DEPTOR: variants seen among roughly 807,000 people sequenced by gnomAD.
DEPTOR encodes the protein DEP domain containing MTOR interacting protein, also known as DEP domain-containing mTOR-interacting protein.
A neutral mutation model predicts 41.6 loss-of-function variants in DEPTOR; 41 were observed. The ratio of observed to expected loss-of-function variants is 0.98; its 90% confidence interval spans 0.77 to 1.28. DEPTOR has a LOEUF of 1.28. DEPTOR is among the 50% of genes most tolerant of loss of function. The pLI is 0.00. For synonymous variants in DEPTOR, 195 were observed against 192.3 expected (o/e 1.01, Z -0.12); for missense variants, 514 against 527.9 (o/e 0.97, Z 0.26).
chr8:119,895,869 G>T lies in DEPTOR; in HGVS notation c.122+21901G>T, dbSNP rs528515910. ...GTACAAATGCATTTTGACTTACACC[G>T]ATGCTTTGAAATGAGGACTTTAAAC... On this transcript the variant is annotated intron_variant, in intron 1 of 8. Transcript: ENST00000286234. Among the ~76,000 whole-genome samples the T allele has an allele frequency of 2.0e-5, 3 of 152,294 alleles. No individual in the cohort carries two copies. The South Asian group carries it at 6.2e-4, about 32-fold the overall frequency.
Position 120,030,497 on chromosome 8 carries a change from G to GTTTTTTTTTT in DEPTOR, c.1102-19060_1102-19051dup, listed in dbSNP as rs1171655489. Among the ~76,000 whole-genome samples, 48 of 46,216 alleles carry GTTTTTTTTTT rather than the reference G, an allele frequency of 1.0e-3. 13 individuals are homozygous for GTTTTTTTTTT. Among genetic ancestry groups the GTTTTTTTTTT allele is most frequent in the East Asian group, 2.7e-3 (4 of 1,490 alleles). The allele number at this position is 46,216 out of a possible 152,430, so 30.3% of individuals were successfully genotyped here. On this transcript the variant is annotated intron_variant, in intron 8 of 8. Transcript: ENST00000286234. ...AATGATGTATTGTGTAGGTTCATCA[G>GTTTTTTTTTT]TTTTTTTTTTTTTTTTTTTTTTTTT...
At chr8:120,028,161 C>CT (rs1215582417) in intron 8 of DEPTOR, among the ~76,000 whole-genome samples, 6 of 150,692 alleles carry the variant, frequency 4.0e-5, no homozygotes, top group Non-Finnish European at 1.5e-5. Flanking sequence ...CTTTTTTTTT[C>CT]TTTTTTTTCC....
At chr8:120,028,223 T>G (rs1298714677) in intron 8 of DEPTOR, among the ~76,000 whole-genome samples, 1 of 151,620 alleles carries the variant, frequency 6.6e-6, no homozygotes, top group Admixed American at 6.6e-5. Flanking sequence ...TGGCTTGATC[T>G]TGGCTCACTG....
intron 3 of DEPTOR, among the ~76,000 whole-genome samples, chr8:119,934,377 T>A (rs1046938181): frequency 6.6e-6 from 1 of 152,108 alleles, no homozygotes; most frequent in Non-Finnish European, 1.5e-5. Flanking sequence ...GTTGCCCCAG[T>A]GTGAGTGAGG....
chr8:120,024,101 G>T (rs1271771290), intron 8 of DEPTOR, among the ~76,000 whole-genome samples: 5 of 152,164 alleles, frequency 3.3e-5, no homozygotes, highest in African/African-American at 1.2e-4. Flanking sequence ...GCCGGGCATG[G>T]TGGCATGAAC....
chr8:119,930,933 C>T (rs975369360), intron 3 of DEPTOR, among the ~76,000 whole-genome samples: 2 of 152,030 alleles, frequency 1.3e-5, no homozygotes, highest in Non-Finnish European at 1.5e-5. Context: ...ATTTATCGGC[C>T]AGGCACGGTG....
intron 3 of DEPTOR, among the ~76,000 whole-genome samples, chr8:119,941,804 C>G (rs1440473319): frequency 6.6e-6 from 1 of 152,210 alleles, no homozygotes; most frequent in Non-Finnish European, 1.5e-5. Context: ...TAAATTCACA[C>G]AGCTGGAAAG....
chr8:119,899,523 A>G (rs1480316991), intron 1 of DEPTOR, among the ~76,000 whole-genome samples: 2 of 152,256 alleles, frequency 1.3e-5, no homozygotes. Flanking sequence ...TGTATTTACA[A>G]TGGTAGTCAA....
At chr8:119,938,903 CTCTTTCTTTCTCTTTCTT>C (rs1828163823) in intron 3 of DEPTOR, among the ~76,000 whole-genome samples, 1 of 140,774 alleles carries the variant, frequency 7.1e-6, no homozygotes, top group Non-Finnish European at 1.6e-5. Flanking sequence ...TTCTCTTTCT[CTCTTTCTTTCTCTTTCTT>C]TCTTTTCATT....
At chr8:119,877,606 G>A (rs568911305) in intron 1 of DEPTOR, among the ~76,000 whole-genome samples, 2 of 152,324 alleles carry the variant, frequency 1.3e-5, no homozygotes, top group South Asian at 4.1e-4. Flanking sequence ...TGAGGTAGAG[G>A]TGATAAGAGG....
At chr8:119,974,956 G>A (rs897018254) in intron 4 of DEPTOR, among the ~76,000 whole-genome samples, 1 of 152,020 alleles carries the variant, frequency 6.6e-6, no homozygotes, top group Non-Finnish European at 1.5e-5. Context: ...AGTCTCTAGT[G>A]ACTTAATTTT....
rs762378087 is a variant in DEPTOR at position 119,928,511 on chromosome 8, G to A, written c.234G>A (p.Glu78=). The A allele has an allele frequency of 1.4e-5, 22 of 1,614,044 alleles. No individual in the cohort carries two copies. The highest frequency in any genetic ancestry group is 1.6e-5 in the Non-Finnish European group (19 of 1,180,028). Residue 78 remains glutamate (E), a synonymous_variant, in exon 2 of 9, where the codon GAG becomes GAA. Coordinates refer to ENST00000286234, the MANE Select transcript of DEPTOR (RefSeq NM_022783.4). ...TTGACTGGCTGATTGAACACAAAGAGGCTTCTGACAGAGAGACGGCAATTA... is the reference window on the plus strand; with the variant it reads ...TTGACTGGCTGATTGAACACAAAGAAGCTTCTGACAGAGAGACGGCAATTA... The part of the protein sequence containing the change: ...ELIDWLIEHK[E]ASDRETAIKL...
chr8:119,931,776 G>A (rs1027718293), intron 3 of DEPTOR, among the ~76,000 whole-genome samples: 6 of 151,974 alleles, frequency 3.9e-5, no homozygotes, highest in African/African-American at 1.4e-4. Context: ...CATTTGTTTT[G>A]TTGCTACTTT....
chr8:119,918,421 C>T (rs1827842092), intron 1 of DEPTOR, among the ~76,000 whole-genome samples: 1 of 152,068 alleles, frequency 6.6e-6, no homozygotes, highest in Admixed American at 6.6e-5. Flanking sequence ...GCTAGTGAAA[C>T]ATTTGGCATG....
chr8:119,975,870 CTTTTTTTTTTTTTTTTTT>C (rs34482727), intron 4 of DEPTOR, among the ~76,000 whole-genome samples: 1 of 65,268 alleles, frequency 1.5e-5, no homozygotes, highest in Non-Finnish European at 2.7e-5. Flanking sequence ...ATGCTTGCTC[CTTTTTTTTTTTTTTTTTT>C]TTTTTTTTTT....
At chr8:119,888,820 C>A (rs1390612801) in intron 1 of DEPTOR, among the ~76,000 whole-genome samples, 3 of 135,256 alleles carry the variant, frequency 2.2e-5, no homozygotes, top group Non-Finnish European at 3.1e-5. Context: ...TATGCCATTG[C>A]ACTCCAGCCT....
intron 8 of DEPTOR, among the ~76,000 whole-genome samples, chr8:120,047,870 C>T (rs189458949): frequency 4.4e-4 from 59 of 134,252 alleles, no homozygotes; most frequent in African/African-American, 1.5e-3. Context: ...ACATGGCGAA[C>T]CCCCTCTCTA....
chr8:119,922,108 G>A (rs1052943130), intron 1 of DEPTOR, among the ~76,000 whole-genome samples: 10 of 151,754 alleles, frequency 6.6e-5, no homozygotes, highest in African/African-American at 1.9e-4. Context: ...GCATGGTGGC[G>A]GGCACCTGTA....
chr8:119,883,744 C>G (rs1341527791), intron 1 of DEPTOR, among the ~76,000 whole-genome samples: 1 of 152,154 alleles, frequency 6.6e-6, no homozygotes, highest in Non-Finnish European at 1.5e-5. Context: ...CCCTGCAATA[C>G]TTTTACCTAC....
Sources: gnomAD v4.1 joint callset for allele counts (sites outside exome capture counted in the v4.1 genomes callset) on GRCh38, gnomAD v4.1.1 for gene constraint, MANE v1.5 for transcripts, NCBI Gene and HGNC (gene_info 2026-07-23, HGNC 2026-07-21) for gene names.